The following OXR1 variants were observed in gnomAD, a reference collection of about 807,000 sequenced individuals.
OXR1 encodes oxidation resistance protein 1.
In OXR1, 41 loss-of-function variants were observed where a neutral mutation model predicts 104.6. The observed-to-expected ratio is 0.39, with a 90% CI of 0.31 to 0.51. The LOEUF is 0.51. Ranked by LOEUF, OXR1 falls within the 20% of genes least tolerant of loss-of-function variation. OXR1 has a pLI of 0.77. For synonymous variants in OXR1, 348 were observed against 348.4 expected (o/e 1.00, Z 0.01); for missense variants, 955 against 1,031.9 (o/e 0.93, Z 1.02).
intron 11 of OXR1, among the ~76,000 whole-genome samples, chr8:106,728,563 A>C (rs1209136149): frequency 1.3e-5 from 2 of 152,232 alleles, no homozygotes; most frequent in African/African-American, 4.8e-5. Context: ...CATGGCATGA[A>C]ATTAACCTTT....
intron 2 of OXR1, chr8:106,447,783 T>C: frequency 1.3e-6 from 1 of 759,400 alleles, no homozygotes; most frequent in Non-Finnish European, 1.9e-6. Context: ...ACCTCCTTCG[T>C]TGTACACACC....
chr8:106,399,001 T>C, intron 2 of OXR1, among the ~76,000 whole-genome samples: 1 of 152,186 alleles, frequency 6.6e-6, no homozygotes, highest in Admixed American at 6.6e-5. Flanking sequence ...TCAACCAAAT[T>C]GGAATACTAA....
At chr8:106,640,649 C>T (rs979691941) in intron 3 of OXR1, among the ~76,000 whole-genome samples, 14 of 151,994 alleles carry the variant, frequency 9.2e-5, no homozygotes, top group South Asian at 4.2e-4. Context: ...GAAGTAACTT[C>T]GATAGCATAA....
At chr8:106,386,003 G>T (rs1219678675) in intron 2 of OXR1, among the ~76,000 whole-genome samples, 1 of 152,158 alleles carries the variant, frequency 6.6e-6, no homozygotes, top group Admixed American at 6.5e-5. Flanking sequence ...GGGCATGGCA[G>T]CAAAGACATG....
intron 1 of OXR1, among the ~76,000 whole-genome samples, chr8:106,342,446 G>A (rs1815296933): frequency 1.3e-5 from 2 of 151,798 alleles, no homozygotes. Context: ...GTAGAGATGG[G>A]GTTTCGCCAT....
In OXR1 at chr8:106,514,614, C is replaced by T. The variant is rs181027108; in HGVS notation, c.24-4329C>T. ...AGTGCCACGTCCTTTGCTCATTCTA[C>T]GGAGAATATAAAAAGGGCAATGAGA... On this transcript the variant is annotated intron_variant, in intron 2 of 16. Coordinates refer to ENST00000517566, the MANE Select transcript of OXR1 (RefSeq NM_001198533.2). 2.5e-3 allele frequency among the ~76,000 whole-genome samples: 382 copies of T among 152,090 alleles called. 1 individual carries two copies. Among genetic ancestry groups the T allele is most frequent in the African/African-American group, 8.9e-3 (369 of 41,502 alleles).
intron 2 of OXR1, among the ~76,000 whole-genome samples, chr8:106,418,676 A>G (rs1036764791): frequency 1.3e-5 from 2 of 152,178 alleles, no homozygotes; most frequent in African/African-American, 4.8e-5. Context: ...ATTCATGTTC[A>G]CAAGACAACT....
At chr8:106,490,977 G>A (rs1290634522) in intron 2 of OXR1, among the ~76,000 whole-genome samples, 1 of 152,170 alleles carries the variant, frequency 6.6e-6, no homozygotes, top group African/African-American at 2.4e-5. Context: ...AAATGATAGT[G>A]CTCAGCCCCT....
chr8:106,367,309 C>T (rs1038456837), intron 2 of OXR1, among the ~76,000 whole-genome samples: 3 of 151,842 alleles, frequency 2.0e-5, no homozygotes, highest in East Asian at 3.9e-4. Flanking sequence ...GTGATCTGCC[C>T]GCCTTGGCCT....
chr8:106,501,432 C>T (rs1586728236), intron 2 of OXR1, among the ~76,000 whole-genome samples: 1 of 152,188 alleles, frequency 6.6e-6, no homozygotes. Flanking sequence ...GGTTTAGAAT[C>T]TCCTCTCAGT....
At chr8:106,364,188 T>A (rs1162642336) in intron 2 of OXR1, among the ~76,000 whole-genome samples, 1 of 152,242 alleles carries the variant, frequency 6.6e-6, no homozygotes, top group Non-Finnish European at 1.5e-5. Flanking sequence ...TCATTACATA[T>A]GTATATCATT....
At chr8:106,571,322 C>T (rs775438660) in intron 3 of OXR1, among the ~76,000 whole-genome samples, 7 of 152,028 alleles carry the variant, frequency 4.6e-5, no homozygotes, top group South Asian at 4.1e-4. Flanking sequence ...GGCTTGTAGA[C>T]AGCTGCTTTT....
intron 2 of OXR1, among the ~76,000 whole-genome samples, chr8:106,465,714 T>C (rs573167677): frequency 1.3e-5 from 2 of 151,982 alleles, no homozygotes; most frequent in South Asian, 4.1e-4. Flanking sequence ...TTTCAGTAAC[T>C]AGAAGACTAG....
intron 1 of OXR1, among the ~76,000 whole-genome samples, chr8:106,350,527 A>C (rs1815678810): frequency 1.3e-5 from 2 of 152,190 alleles, no homozygotes; most frequent in South Asian, 4.1e-4. Flanking sequence ...GAATACTAAT[A>C]CTTCCCATGA....
chr8:106,590,199 C>A (rs944240174), intron 3 of OXR1, among the ~76,000 whole-genome samples: 6 of 152,172 alleles, frequency 3.9e-5, no homozygotes, highest in African/African-American at 7.2e-5. Flanking sequence ...TCTTCAAGTC[C>A]TTTTTGAAAT....
chr8:106,739,861 A>C (rs1834769015), intron 13 of OXR1, among the ~76,000 whole-genome samples: 1 of 152,178 alleles, frequency 6.6e-6, no homozygotes, highest in Non-Finnish European at 1.5e-5. Context: ...CAGCTGTAGA[A>C]ATTGGATGCT....
intron 3 of OXR1, among the ~76,000 whole-genome samples, chr8:106,671,733 C>A (rs1827003776): frequency 6.8e-6 from 1 of 147,998 alleles, no homozygotes; most frequent in Admixed American, 7.0e-5. Context: ...AAACCAAACA[C>A]TGCATGTTCT....
intron 2 of OXR1, among the ~76,000 whole-genome samples, chr8:106,443,809 AAAGCAATTGC>A (rs1203984567): frequency 6.6e-6 from 1 of 152,200 alleles, no homozygotes; most frequent in African/African-American, 2.4e-5. Context: ...AAAAATGCCA[AAAGCAATTGC>A]AACAAAAGCC....
intron 11 of OXR1, among the ~76,000 whole-genome samples, chr8:106,734,868 A>G (rs1220967165): frequency 6.6e-6 from 1 of 152,214 alleles, no homozygotes; most frequent in African/African-American, 2.4e-5. Context: ...AGTTAGCAGT[A>G]TATCCAAATA....
Sources: gnomAD v4.1 joint callset for allele counts (sites outside exome capture counted in the v4.1 genomes callset) on GRCh38, gnomAD v4.1.1 for gene constraint, MANE v1.5 for transcripts, NCBI Gene and HGNC (gene_info 2026-07-23, HGNC 2026-07-21) for gene names.